DCC: variants seen among roughly 807,000 people sequenced by gnomAD.
DCC encodes the protein DCC netrin 1 receptor, also known as netrin receptor DCC.
DCC carries 58 observed loss-of-function variants against 172.5 expected under a neutral mutation model. The observed-to-expected ratio is 0.34, with a 90% CI of 0.27 to 0.42. The LOEUF (loss-of-function observed/expected upper bound fraction) is 0.42. Ranked by LOEUF, DCC falls within the 10% of genes least tolerant of loss-of-function variation. DCC has a pLI of 1.00. For synonymous variants in DCC, 709 were observed against 644.5 expected (o/e 1.10, Z -1.52); for missense variants, 1,740 against 1,791.0 (o/e 0.97, Z 0.51).
chr18:52,861,960 A>G (rs989721336), intron 2 of DCC, among the ~76,000 whole-genome samples: 13 of 152,156 alleles, frequency 8.5e-5, no homozygotes, highest in African/African-American at 2.4e-4. Context: ...AAGACTTAGA[A>G]TAGCCACGGG....
rs115851113 is a variant in DCC at position 53,102,470 on chromosome 18, T to C, written c.1261+36304T>C. ...TTTCCAAACTCTGCAAGGGTGTCTA[T>C]ATTATAAGTTATATAAAAGCCCTCT... is the stretch of plus-strand genomic sequence containing the variant. On this transcript the variant is annotated intron_variant, in intron 7 of 28. Coordinates refer to ENST00000442544, the MANE Select transcript of DCC (RefSeq NM_005215.4). 7.3e-3 allele frequency among the ~76,000 whole-genome samples: 1,117 copies of C among 152,218 alleles called. 17 individuals are homozygous for C. Among genetic ancestry groups the C allele is most frequent in the African/African-American group, 0.025 (1,048 of 41,546 alleles).
chr18:53,513,378 T>C (rs1412725870), intron 27 of DCC, among the ~76,000 whole-genome samples: 3 of 152,104 alleles, frequency 2.0e-5, no homozygotes, highest in Non-Finnish European at 4.4e-5. Flanking sequence ...GTAAAGACCA[T>C]CAAAGACTAG....
chr18:52,587,508 C>G (rs2033701762), intron 1 of DCC, among the ~76,000 whole-genome samples: 1 of 152,200 alleles, frequency 6.6e-6, no homozygotes, highest in Non-Finnish European at 1.5e-5. Flanking sequence ...ATCCACAAAC[C>G]TCTTCCCCAA....
intron 1 of DCC, among the ~76,000 whole-genome samples, chr18:52,386,013 C>G (rs780205383): frequency 1.3e-5 from 2 of 152,034 alleles, no homozygotes; most frequent in Non-Finnish European, 2.9e-5. Context: ...TGTATACTTA[C>G]GCAGATATAG....
At chr18:52,740,969 G>C (rs2036812873) in intron 1 of DCC, among the ~76,000 whole-genome samples, 1 of 152,166 alleles carries the variant, frequency 6.6e-6, no homozygotes, top group Admixed American at 6.5e-5. Flanking sequence ...ATGCCTCCTT[G>C]TTTTATTAAT....
In DCC at chr18:52,571,885, G is replaced by T. The variant is rs147703588; in HGVS notation, c.92-180169G>T. Among the ~76,000 whole-genome samples, 203 of 152,304 alleles carry T rather than the reference G, an allele frequency of 1.3e-3. 5 individuals are homozygous for T. Among genetic ancestry groups the T allele is most frequent in the East Asian group, 1.5e-3 (8 of 5,190 alleles). ...AGCAACATGTATGGAAACATACAAA[G>T]ATTCCACAGGATTTTTGTATTAATT... On this transcript the variant is annotated intron_variant, in intron 1 of 28. Transcript: ENST00000442544.
intron 2 of DCC, among the ~76,000 whole-genome samples, chr18:52,761,749 G>T (rs909278023): frequency 6.6e-6 from 1 of 151,656 alleles, no homozygotes; most frequent in Non-Finnish European, 1.5e-5. Context: ...AGGTCAAAGC[G>T]CTTCCACTGA....
chr18:52,618,977 G>A (rs561063971), intron 1 of DCC, among the ~76,000 whole-genome samples: 17 of 151,830 alleles, frequency 1.1e-4, no homozygotes, highest in South Asian at 8.3e-4. Context: ...TGCATTTGTC[G>A]CCCAGGCTGG....
At chr18:53,036,523 C>T (rs1035966998) in intron 5 of DCC, among the ~76,000 whole-genome samples, 2 of 151,986 alleles carry the variant, frequency 1.3e-5, no homozygotes, top group Non-Finnish European at 2.9e-5. Flanking sequence ...GATAACGTTC[C>T]TTCTGCTACT....
intron 1 of DCC, among the ~76,000 whole-genome samples, chr18:52,661,822 A>G (rs1231106465): frequency 1.3e-5 from 2 of 152,278 alleles, no homozygotes; most frequent in South Asian, 2.1e-4. Context: ...AATCTCAAAT[A>G]AAACATAACT....
chr18:53,316,877 T>C (rs2057349800), intron 13 of DCC, among the ~76,000 whole-genome samples: 1 of 152,246 alleles, frequency 6.6e-6, no homozygotes, highest in African/African-American at 2.4e-5. Context: ...AAATATACAA[T>C]TAGGTCATCT....
chr18:53,025,014 G>A (rs2041936867), intron 5 of DCC, among the ~76,000 whole-genome samples: 1 of 152,048 alleles, frequency 6.6e-6, no homozygotes, highest in Non-Finnish European at 1.5e-5. Flanking sequence ...CATGCAAATT[G>A]TATTAAAAGT....
In DCC at chr18:53,459,162, T is replaced by C. The variant is rs139353620; in HGVS notation, c.3393-70T>C. The stretch of plus-strand genomic sequence containing the variant: ...TTCCTTTCCTGCTTCTAACTTGAAT[T>C]GACTGATGAAAGAAAGGAAGTGCCA... On this transcript the variant is annotated intron_variant, in intron 23 of 28. Transcript: ENST00000442544. 2.4e-4 allele frequency: 298 copies of C among 1,228,248 alleles called. 2 individuals carry two copies. The African/African-American group carries it at 4.0e-3, about 16-fold the overall frequency. 76.1% of individuals were successfully genotyped at this position (1,228,248 alleles called of 1,614,324 possible).
intron 15 of DCC, among the ~76,000 whole-genome samples, chr18:53,358,935 A>AAG (rs1241609310): frequency 5.9e-5 from 9 of 152,214 alleles, no homozygotes; most frequent in Non-Finnish European, 1.0e-4. Context: ...CAGTGATTGC[A>AAG]TTAGTAGTTT....
chr18:52,922,472 A>G (rs949885367), intron 3 of DCC, among the ~76,000 whole-genome samples: 2 of 152,086 alleles, frequency 1.3e-5, no homozygotes, highest in Non-Finnish European at 2.9e-5. Context: ...GTCCTCACTC[A>G]GCGATTCTCC....
intron 9 of DCC, among the ~76,000 whole-genome samples, chr18:53,192,236 G>A (rs551615147): frequency 1.3e-5 from 2 of 152,248 alleles, no homozygotes; most frequent in South Asian, 2.1e-4. Context: ...CAGCGAAATC[G>A]CAAAGTGAAT....
chr18:52,401,707 T>C (rs928834743), intron 1 of DCC, among the ~76,000 whole-genome samples: 1 of 152,058 alleles, frequency 6.6e-6, no homozygotes, highest in Admixed American at 6.6e-5. Flanking sequence ...CAGTGAATTA[T>C]GTCTTTTCTT....
At chr18:52,351,405 C>T (rs538732489) in intron 1 of DCC, among the ~76,000 whole-genome samples, 9 of 150,534 alleles carry the variant, frequency 6.0e-5, no homozygotes, top group African/African-American at 1.9e-4. Flanking sequence ...AAAATTTCTG[C>T]AAACTACATA....
chr18:52,423,538 T>G (rs1384583486), intron 1 of DCC, among the ~76,000 whole-genome samples: 1 of 151,892 alleles, frequency 6.6e-6, no homozygotes, highest in African/African-American at 2.4e-5. Context: ...TGAAGCCTGC[T>G]TTTCTCCTGT....
Sources: gnomAD v4.1 joint callset for allele counts (sites outside exome capture counted in the v4.1 genomes callset) on GRCh38, gnomAD v4.1.1 for gene constraint, MANE v1.5 for transcripts, NCBI Gene and HGNC (gene_info 2026-07-23, HGNC 2026-07-21) for gene names.